The following ADCY1 variants were observed in gnomAD, a reference collection of about 807,000 sequenced individuals.
The protein encoded by ADCY1 is adenylate cyclase type 1.
Under a neutral mutation model 105.4 loss-of-function variants are expected in ADCY1, and 28 were observed. The observed-to-expected ratio is 0.27, with a 90% CI of 0.20 to 0.36. The LOEUF (loss-of-function observed/expected upper bound fraction) is 0.36. Ranked by LOEUF, ADCY1 falls within the 10% of genes least tolerant of loss-of-function variation. ADCY1 has a pLI of 1.00. For synonymous variants in ADCY1, 655 were observed against 623.8 expected, an observed-to-expected ratio of 1.05 and a Z score of -0.75; for missense variants, 977 against 1,434.2, an observed-to-expected ratio of 0.68 and a Z score of 5.15.
At chr7:45,652,257 G>T (rs1189688564) in intron 5 of ADCY1, among the ~76,000 whole-genome samples, 3 of 152,220 alleles carry the variant, frequency 2.0e-5, no homozygotes, top group Non-Finnish European at 4.4e-5. Context: ...AACTGGACAT[G>T]AGATTTGGGT....
Position 45,704,522 on chromosome 7 carries a change from T to C in ADCY1, c.2723T>C (p.Met908Thr), listed in dbSNP as rs772004324. The C allele has an allele frequency of 7.4e-6, 12 of 1,613,876 alleles. No individual in the cohort carries two copies. Among genetic ancestry groups the C allele is most frequent in the Middle Eastern group, 1.7e-4 (1 of 6,060 alleles). ...NEIIADFDEL[M>T]EKDFYKDIEK... Reference sequence around the variant, plus strand: ...AGTTTTATGTTTTAAACAAAGCTCATGGAAAAAGACTTTTACAAGGACATA... The same window carrying C: ...AGTTTTATGTTTTAAACAAAGCTCACGGAAAAAGACTTTTACAAGGACATA... The change falls in exon 17 of 20, where the codon ATG becomes ACG. Residue 908 changes from methionine (M) to threonine (T), a missense_variant. Physicochemically the swap from Met to Thr is moderately conservative, Grantham distance 81. Coordinates refer to ENST00000297323, the MANE Select transcript of ADCY1 (RefSeq NM_021116.4).
chr7:45,641,612 C>T (rs7807265), intron 4 of ADCY1, among the ~76,000 whole-genome samples: 62,931 of 151,852 alleles, frequency 0.41, 13,480 homozygotes, highest in East Asian at 0.71. Context: ...AGTCTGGGCT[C>T]GGTTCACCCT....
rs1485573279 is a variant in ADCY1 at position 45,657,856 on chromosome 7, C to T, written c.1278C>T (p.Ala426=). 1.2e-5 allele frequency: 17 copies of T among 1,367,584 alleles called. No homozygotes were observed. The highest frequency in any genetic ancestry group is 1.6e-5 in the African/African-American group (1 of 63,228). The allele number at this position is 1,367,584 out of a possible 1,614,324, so 84.7% of individuals were successfully genotyped here. ...TGTGGTCCAATGATGTGACCTTGGCCAATGTCATGGAAGCCGCTGGCCTGC... is the reference window on the plus strand; with the variant it reads ...TGTGGTCCAATGATGTGACCTTGGCTAATGTCATGGAAGCCGCTGGCCTGC... ...YDVWSNDVTL[A]NVMEAAGLPG... is the part of the protein sequence containing the mutation. The change falls in exon 6 of 20, where the codon GCC becomes GCT. Residue 426 remains alanine, a synonymous_variant. Transcript: ENST00000297323.
chr7:45,711,384 A>G (rs1241754669), intron 19 of ADCY1, among the ~76,000 whole-genome samples: 3 of 152,066 alleles, frequency 2.0e-5, no homozygotes, highest in Non-Finnish European at 4.4e-5. Context: ...AGGGACAGGT[A>G]GGCCAAAATA....
At chr7:45,711,865 A>ATATATATTAAATATATAAATATATT (rs1491586327) in intron 19 of ADCY1, among the ~76,000 whole-genome samples, 5 of 88,580 alleles carry the variant, frequency 5.6e-5, no homozygotes, top group Non-Finnish European at 1.1e-4. Context: ...AATTTTATTA[A>ATATATATTAAATATATAAATATATT]TATATATTAA....
At chr7:45,588,803 C>G (rs1345685641) in intron 1 of ADCY1, among the ~76,000 whole-genome samples, 1 of 152,162 alleles carries the variant, frequency 6.6e-6, no homozygotes, top group Admixed American at 6.5e-5. Flanking sequence ...GGTGCTGGCT[C>G]TTTGGCCATT....
chr7:45,608,992 C>T (rs771783099), intron 2 of ADCY1, among the ~76,000 whole-genome samples: 2 of 152,160 alleles, frequency 1.3e-5, no homozygotes, highest in Non-Finnish European at 2.9e-5. Flanking sequence ...ACCTGGTCTT[C>T]CTTCTCTGAA....
rs1199304730 is a variant in ADCY1 at position 45,678,045 on chromosome 7, T to C, written c.1782T>C (p.His594=). Residue 594 remains histidine, a synonymous_variant, in exon 9 of 20, where the codon CAT becomes CAC. Transcript: ENST00000297323. ...ACTTCTTTACCCTGAAGTACAAACA[T>C]GTCGAACGGGAGCAAAAGGTAAGCA... ...DLNFFTLKYK[H]VEREQKYHQL... is the part of the protein sequence containing the mutation. 1.9e-6 allele frequency: 3 copies of C among 1,614,032 alleles called. No individual in the cohort carries two copies. Among genetic ancestry groups the C allele is most frequent in the South Asian group, 1.1e-5 (1 of 91,054 alleles).
chr7:45,625,569 ATG>A (rs911143685), intron 4 of ADCY1, among the ~76,000 whole-genome samples: 10 of 152,082 alleles, frequency 6.6e-5, no homozygotes, highest in East Asian at 1.9e-4. Context: ...GCAAATGCAT[ATG>A]TGTGTTATGT....
At chr7:45,679,681 A>T (rs753426288) in intron 10 of ADCY1, 28 bp from the exon 11 acceptor site, 14 of 1,612,744 alleles carry the variant, frequency 8.7e-6, no homozygotes, top group African/African-American at 1.3e-5. Flanking sequence ...CCCACCTATC[A>T]GTGACTCTCA....
rs562337987 is a variant in ADCY1 at position 45,704,565 on chromosome 7, C to T, written c.2766C>T (p.Ile922=). 10 of 1,614,224 alleles carry T rather than the reference C, an allele frequency of 6.2e-6. No individual in the cohort carries two copies. Among genetic ancestry groups the T allele is most frequent in the African/African-American group, 2.7e-5 (2 of 75,074 alleles). ...FYKDIEKIKT[I]GSTYMAAVGL... ...AGGACATAGAGAAGATCAAGACCATCGGGAGCACCTACATGGCCGCTGTGG... is the reference window on the plus strand; with the variant it reads ...AGGACATAGAGAAGATCAAGACCATTGGGAGCACCTACATGGCCGCTGTGG... Residue 922 remains isoleucine (I), a synonymous_variant, in exon 17 of 20, where the codon ATC becomes ATT. Transcript: ENST00000297323.
At chr7:45,664,473 T>C in intron 8 of ADCY1, 3 of 1,509,646 alleles carry the variant, frequency 2.0e-6, no homozygotes, top group Non-Finnish European at 2.7e-6. Context: ...AGCTCTGTTC[T>C]TCTCTCAGCA....
intron 2 of ADCY1, among the ~76,000 whole-genome samples, chr7:45,608,027 C>T (rs971992214): frequency 1.3e-5 from 2 of 152,246 alleles, no homozygotes; most frequent in Non-Finnish European, 2.9e-5. Context: ...TTACTTTCCA[C>T]AGTGGCTGAA....
chr7:45,675,592 T>A (rs1784441390), intron 8 of ADCY1, among the ~76,000 whole-genome samples: 1 of 152,042 alleles, frequency 6.6e-6, no homozygotes, highest in African/African-American at 2.4e-5. Flanking sequence ...AAAAATATTA[T>A]AATTTTTTTT....
chr7:45,654,045 T>C (rs978553806), intron 5 of ADCY1, among the ~76,000 whole-genome samples: 1 of 152,246 alleles, frequency 6.6e-6, no homozygotes, highest in Non-Finnish European at 1.5e-5. Flanking sequence ...CTGAGTTGTT[T>C]TGATAATTTA....
At chr7:45,589,442 G>C (rs1438799539) in intron 1 of ADCY1, among the ~76,000 whole-genome samples, 4 of 152,204 alleles carry the variant, frequency 2.6e-5, no homozygotes, top group African/African-American at 9.6e-5. Flanking sequence ...GTGGTGACCC[G>C]AGCCTGCCTT....
At chr7:45,655,569 T>G (rs1794915185) in intron 5 of ADCY1, among the ~76,000 whole-genome samples, 1 of 152,204 alleles carries the variant, frequency 6.6e-6, no homozygotes, top group Non-Finnish European at 1.5e-5. Flanking sequence ...GTGCATCAGT[T>G]TTTTAGAAGT....
At chr7:45,705,481 G>A (rs2139895) in intron 17 of ADCY1, among the ~76,000 whole-genome samples, 164 of 152,028 alleles carry the variant, frequency 1.1e-3, no homozygotes, top group Non-Finnish European at 2.0e-3. Flanking sequence ...TTATATAATC[G>A]TATCAATTGA....
intron 8 of ADCY1, among the ~76,000 whole-genome samples, chr7:45,668,118 A>G (rs1784298215): frequency 6.6e-6 from 1 of 152,100 alleles, no homozygotes; most frequent in Non-Finnish European, 1.5e-5. Context: ...AATACCCTTT[A>G]TTTCCTTCTC....
Sources: allele counts gnomAD v4.1 joint callset (sites outside exome capture counted in the v4.1 genomes callset), GRCh38; gene constraint gnomAD v4.1.1; transcripts MANE v1.5; gene names NCBI Gene and HGNC (gene_info 2026-07-23, HGNC 2026-07-21).